The following KLHL3 variants were observed in gnomAD, a reference collection of about 807,000 sequenced individuals.
KLHL3 encodes the protein kelch-like protein 3.
A neutral mutation model predicts 70.5 loss-of-function variants in KLHL3; 19 were observed. The observed-to-expected ratio is 0.27, with a 90% CI of 0.19 to 0.40. The LOEUF (loss-of-function observed/expected upper bound fraction) is 0.40, where lower values mean the gene tolerates loss of function less well. Ranked by LOEUF, KLHL3 falls within the 10% of genes least tolerant of loss-of-function variation. The probability of loss-of-function intolerance (pLI) is 1.00; values close to 1 mark genes in which losing one functional copy is unlikely to be tolerated. For missense variants in KLHL3, 512 were observed against 771.1 expected (o/e 0.66, Z 3.98); for synonymous variants, 258 against 290.3 (o/e 0.89, Z 1.13).
intron 5 of KLHL3, among the ~76,000 whole-genome samples, chr5:137,685,008 G>A (rs1239698960): frequency 6.6e-6 from 1 of 152,152 alleles, no homozygotes; most frequent in African/African-American, 2.4e-5. Context: ...AACCAAATAG[G>A]CAGCTGGACA....
At chr5:137,696,886 A>C (rs1465920523) in intron 4 of KLHL3, among the ~76,000 whole-genome samples, 3 of 152,184 alleles carry the variant, frequency 2.0e-5, no homozygotes, top group Non-Finnish European at 1.5e-5. Flanking sequence ...TGGTACCTCC[A>C]CCACGGAACA....
At chr5:137,642,603 G>A (rs1274582058) in intron 8 of KLHL3, among the ~76,000 whole-genome samples, 2 of 152,098 alleles carry the variant, frequency 1.3e-5, no homozygotes, top group South Asian at 2.1e-4. Context: ...TTGGAATAAA[G>A]AATACATGAA....
Position 137,625,784 on chromosome 5 carries a change from T to G in KLHL3, c.1704A>C (p.Pro568=), listed in dbSNP as rs1750445114. Residue 568 remains proline, a synonymous_variant, in exon 14 of 15, where the codon CCA becomes CCC. Transcript: ENST00000309755. ...AGCTCCGCCCCGTGCTCATGTTCGT[T>G]GGAAGCAGCGTCCATTTGTCAGTGA... The part of the protein sequence containing the change: ...NPVTDKWTLL[P]TNMSTGRSYA... 6.2e-7 allele frequency: 1 copy of G among 1,614,056 alleles called. No homozygotes were observed. Among genetic ancestry groups the G allele is most frequent in the Non-Finnish European group, 8.5e-7 (1 of 1,180,046 alleles).
intron 8 of KLHL3, among the ~76,000 whole-genome samples, chr5:137,651,816 C>T (rs1469842224): frequency 6.6e-6 from 1 of 152,096 alleles, no homozygotes; most frequent in African/African-American, 2.4e-5. Context: ...TACTAGAAAG[C>T]TAGTAATCGA....
chr5:137,637,746 C>G (rs1015108049), intron 10 of KLHL3, among the ~76,000 whole-genome samples: 3 of 152,250 alleles, frequency 2.0e-5, no homozygotes, highest in African/African-American at 7.2e-5. Context: ...TCCCCTTTCC[C>G]CCAGCTTCCT....
chr5:137,682,649 T>C lies in KLHL3; in HGVS notation c.527-4995A>G, dbSNP rs542121911. 1.2e-4 allele frequency among the ~76,000 whole-genome samples: 19 copies of C among 152,286 alleles called. No homozygotes were observed. The South Asian group carries it at 2.1e-3, about 17-fold the overall frequency. On this transcript the variant is annotated intron_variant, in intron 5 of 14. Transcript: ENST00000309755. ...GGTTCCCAAAGCCCCCCAAACAAGA[T>C]ATAACAATCATATCCCTAATCACCC...
intron 8 of KLHL3, among the ~76,000 whole-genome samples, chr5:137,654,508 C>A (rs1228776186): frequency 6.6e-6 from 1 of 152,114 alleles, no homozygotes; most frequent in Admixed American, 6.5e-5. Context: ...TCTGATAATC[C>A]CTAAGTGATC....
At chr5:137,694,049 A>C (rs1328187249) in intron 4 of KLHL3, among the ~76,000 whole-genome samples, 5 of 151,944 alleles carry the variant, frequency 3.3e-5, no homozygotes, top group Non-Finnish European at 7.4e-5. Context: ...GGGGTTTCCC[A>C]GGACTTTCAG....
In KLHL3 at chr5:137,705,962, C is replaced by T. The variant is rs75004607; in HGVS notation, c.241+3788G>A. On this transcript the variant is annotated intron_variant, in intron 3 of 14. Coordinates refer to ENST00000309755, the MANE Select transcript of KLHL3 (RefSeq NM_017415.3). The stretch of plus-strand genomic sequence containing the variant: ...CTCCCCACTCAAGTTATGCTGAAAG[C>T]AGTAAAGGGCAAATAGGTTGACTGC... 9,371 of 965,728 alleles carry T rather than the reference C, an allele frequency of 9.7e-3. 64 individuals are homozygous for T. The highest frequency in any genetic ancestry group is 0.02 in the Middle Eastern group (38 of 1,880). 59.8% of individuals were successfully genotyped at this position (965,728 alleles called of 1,614,324 possible). A position where few individuals can be genotyped will look rare whatever the true frequency, so the allele number is the denominator to read the frequency against.
intron 6 of KLHL3, among the ~76,000 whole-genome samples, chr5:137,662,628 T>G (rs1168475922): frequency 6.6e-6 from 1 of 152,126 alleles, no homozygotes; most frequent in African/African-American, 2.4e-5. Flanking sequence ...CTGGAGGGCT[T>G]AGAACCAAAA....
intron 12 of KLHL3, chr5:137,628,747 A>G (rs1441934751): frequency 1.1e-5 from 2 of 180,280 alleles, no homozygotes; most frequent in Non-Finnish European, 2.3e-5. Flanking sequence ...ACATACATAC[A>G]TACATACATA....
intron 6 of KLHL3, among the ~76,000 whole-genome samples, chr5:137,676,759 T>G (rs559785576): frequency 6.6e-6 from 1 of 152,352 alleles, no homozygotes; most frequent in East Asian, 1.9e-4. Context: ...ATAACTAATT[T>G]GTAAATACTG....
In KLHL3 at chr5:137,722,176, T is replaced by C. The variant is rs961465644; in HGVS notation, c.15-1592A>G. On this transcript the variant is annotated intron_variant, in intron 1 of 14. Transcript: ENST00000309755. The stretch of plus-strand genomic sequence containing the variant: ...TGGCTAGAGAAAGAGGCTTCTATGC[T>C]TTAGAGTATATTTCAGAGGCCTGAG... Among the ~76,000 whole-genome samples, 135 of 152,348 alleles carry C rather than the reference T, an allele frequency of 8.9e-4. 6 individuals are homozygous for C. The highest frequency in any genetic ancestry group is 1.0e-3 in the Admixed American group (16 of 15,302).
At chr5:137,686,392 G>C (rs1352490071) in intron 5 of KLHL3, among the ~76,000 whole-genome samples, 1 of 152,152 alleles carries the variant, frequency 6.6e-6, no homozygotes, top group Non-Finnish European at 1.5e-5. Flanking sequence ...CTGTTCCCCA[G>C]ATCATCCTGG....
intron 5 of KLHL3, among the ~76,000 whole-genome samples, chr5:137,680,980 CT>C (rs1752011048): frequency 6.6e-6 from 1 of 151,874 alleles, no homozygotes; most frequent in Non-Finnish European, 1.5e-5. Context: ...CAAGACTAGC[CT>C]GGTCAATAAA....
chr5:137,639,928 T>G lies in KLHL3; in HGVS notation c.953A>C (p.Glu318Ala). 6.2e-7 allele frequency: 1 copy of G among 1,614,140 alleles called. No homozygotes were observed. Among genetic ancestry groups the G allele is most frequent in the East Asian group, 2.2e-5 (1 of 44,888 alleles). ...CCGGTCCTCCTCGAAATCATAGCAC[T>G]CCACACTGCGGATTGCCTTGGGTGC... ...GQAPKAIRSV[E>A]CYDFEEDRWD... Residue 318 changes from glutamate to alanine, a missense_variant, in exon 9 of 15, where the codon GAG (glutamate) becomes GCG (alanine). Physicochemically the swap from Glu to Ala is moderately radical, Grantham distance 107. Transcript: ENST00000309755. This position sits in a 1 kb window ranked among gnomAD's most constrained non-coding sequence, Gnocchi z 5.0.
At chr5:137,680,299 C>T (rs147680021) in intron 5 of KLHL3, among the ~76,000 whole-genome samples, 160 of 152,228 alleles carry the variant, frequency 1.1e-3, no homozygotes, top group African/African-American at 3.7e-3. Flanking sequence ...GGTCAGAAGA[C>T]CTGGGTTCAT....
intron 5 of KLHL3, among the ~76,000 whole-genome samples, chr5:137,691,612 G>T (rs1388069997): frequency 1.5e-4 from 11 of 71,520 alleles, no homozygotes; most frequent in African/African-American, 8.3e-4. Context: ...AATAGTACGT[G>T]ACTTTTTTTT....
chr5:137,653,696 T>C (rs1284732718), intron 8 of KLHL3, among the ~76,000 whole-genome samples: 1 of 152,208 alleles, frequency 6.6e-6, no homozygotes, highest in Non-Finnish European at 1.5e-5. Flanking sequence ...AGTTTAGCAA[T>C]TTCTTATAAA....
Sources: allele counts gnomAD v4.1 joint callset (sites outside exome capture counted in the v4.1 genomes callset), GRCh38; gene constraint gnomAD v4.1.1; non-coding constraint Gnocchi (gnomAD v3.1); transcripts MANE v1.5; gene names NCBI Gene and HGNC (gene_info 2026-07-23, HGNC 2026-07-21).